OPHN1: variants seen among roughly 807,000 people sequenced by gnomAD.
The protein encoded by OPHN1 is oligophrenin-1.
In OPHN1, 11 loss-of-function variants were observed where a neutral mutation model predicts 60.7. The ratio of observed to expected loss-of-function variants is 0.18; its 90% confidence interval spans 0.11 to 0.30. The LOEUF is 0.30. Among genes scored for constraint, OPHN1 ranks in the 10% least tolerant of loss-of-function variants. The pLI is 1.00. For missense variants in OPHN1, 449 were observed against 611.0 expected (o/e 0.73, Z 2.80); for synonymous variants, 226 against 222.6 (o/e 1.02, Z -0.14).
intron 5 of OPHN1, among the ~76,000 whole-genome samples, chrX:68,273,738 G>T (rs2147593019): frequency 8.9e-6 from 1 of 111,984 alleles, no homozygotes; most frequent in African/African-American, 3.2e-5. Flanking sequence ...GGAACGTAAA[G>T]CTAAAAAGAC....
At chrX:68,182,300 C>T (rs1437310050) in intron 15 of OPHN1, among the ~76,000 whole-genome samples, 1 of 100,448 alleles carries the variant, frequency 1.0e-5, no homozygotes, top group Non-Finnish European at 2.0e-5. Flanking sequence ...CAGGAACATG[C>T]ATGGTCCTTG....
rs1434581504 is a variant in OPHN1 at position 68,225,756 on chromosome X, C to A, written c.486+8731G>T. ...CATCAAAGACCAAAGGTAGATAAAA[C>A]CACAAAGATGGGGAGAAACCAGAGC... On this transcript the variant is annotated intron_variant, in intron 6 of 24. Transcript: ENST00000355520. Among the ~76,000 whole-genome samples the A allele has an allele frequency of 4.5e-5, 5 of 111,878 alleles. No homozygotes were observed. The Admixed American group carries it at 4.8e-4, about 11-fold the overall frequency.
chrX:68,381,572 T>C lies in OPHN1; in HGVS notation c.154+51295A>G, dbSNP rs956543272. 3.6e-5 allele frequency among the ~76,000 whole-genome samples: 4 copies of C among 111,470 alleles called. No individual in the cohort carries two copies. The East Asian group carries it at 1.1e-3, about 32-fold the overall frequency. On this transcript the variant is annotated intron_variant, in intron 2 of 24. Transcript: ENST00000355520. ...ATACTTCCTGGCATTCCCACTCCTATCCATTTGATTTTATTTCCACCTAGG... is the reference window on the plus strand; with the variant it reads ...ATACTTCCTGGCATTCCCACTCCTACCCATTTGATTTTATTTCCACCTAGG...
chrX:68,313,698 G>A lies in OPHN1; in HGVS notation c.155-14602C>T, dbSNP rs900627849. The stretch of plus-strand genomic sequence containing the variant: ...AAGGATGATTACCAGAAGCTGACAA[G>A]GGTAGTGGGGAGTGAGGGAAGAGAG... On this transcript the variant is annotated intron_variant, in intron 2 of 24. Transcript: ENST00000355520. Among the ~76,000 whole-genome samples the A allele has an allele frequency of 1.3e-4, 14 of 111,899 alleles. No homozygotes were observed. The Admixed American group carries it at 1.3e-3, about 11-fold the overall frequency.
chrX:68,067,460 C>G (rs779936650), intron 20 of OPHN1, among the ~76,000 whole-genome samples: 1 of 109,866 alleles, frequency 9.1e-6, no homozygotes, highest in African/African-American at 3.3e-5. Flanking sequence ...GCCTTTGAGT[C>G]ACAGAAGACA....
chrX:68,241,869 C>T (rs2077782235), intron 5 of OPHN1, among the ~76,000 whole-genome samples: 4 of 110,647 alleles, frequency 3.6e-5, no homozygotes, highest in East Asian at 2.8e-4. Context: ...TGCAGTGAGC[C>T]GAGATCGCGT....
At chrX:68,117,929 G>A (rs1182935598) in intron 16 of OPHN1, among the ~76,000 whole-genome samples, 1 of 111,995 alleles carries the variant, frequency 8.9e-6, no homozygotes, top group Non-Finnish European at 1.9e-5. Flanking sequence ...ATGTGGGGAA[G>A]GCCTTACAAA....
chrX:68,367,081 C>T (rs777517975), intron 2 of OPHN1, among the ~76,000 whole-genome samples: 2 of 110,616 alleles, frequency 1.8e-5, no homozygotes, highest in Non-Finnish European at 3.8e-5. Context: ...ATGCAGAGGC[C>T]GGGGATGGTG....
chrX:68,054,568 A>AAAAAC (rs773565101), intron 21 of OPHN1, among the ~76,000 whole-genome samples: 2 of 111,852 alleles, frequency 1.8e-5, no homozygotes, highest in East Asian at 2.8e-4. Context: ...AAAAAAACAA[A>AAAAAC]AAAACAAAAC....
intron 20 of OPHN1, among the ~76,000 whole-genome samples, chrX:68,070,343 AGGGT>A (rs1486964193): frequency 8.9e-6 from 1 of 111,847 alleles, no homozygotes; most frequent in Admixed American, 9.4e-5. Context: ...AGGCAAATCC[AGGGT>A]GCAGTAAAGA....
chrX:68,225,156 C>G (rs981259855), intron 6 of OPHN1, among the ~76,000 whole-genome samples: 1 of 112,015 alleles, frequency 8.9e-6, no homozygotes, highest in Non-Finnish European at 1.9e-5. Flanking sequence ...AACTGCAAGG[C>G]AGCAGCGAGG....
chrX:68,098,799 T>C (rs745974225), intron 18 of OPHN1, among the ~76,000 whole-genome samples: 2 of 111,881 alleles, frequency 1.8e-5, no homozygotes, highest in South Asian at 3.8e-4. Context: ...TATCTCCTTT[T>C]GTGAACTTTG....
chrX:68,286,497 G>A (rs2078041887), intron 3 of OPHN1, among the ~76,000 whole-genome samples: 1 of 110,701 alleles, frequency 9.0e-6, no homozygotes, highest in East Asian at 2.9e-4. Context: ...CTCCTTGTTT[G>A]TATCTTCTAG....
rs773478130 is a variant in OPHN1 at position 68,213,817 on chromosome X, A to T, written c.597+45T>A. The T allele has an allele frequency of 5.3e-6, 4 of 757,067 alleles. No homozygotes were observed. The East Asian group carries it at 1.3e-4, about 25-fold the overall frequency. The allele number at this position is 757,067 out of a possible 1,213,427, so 62.4% of individuals were successfully genotyped here. A position where few individuals can be genotyped will look rare whatever the true frequency, so the allele number is the denominator to read the frequency against. On this transcript the variant is annotated intron_variant, in intron 7 of 24. Coordinates refer to ENST00000355520, the MANE Select transcript of OPHN1 (RefSeq NM_002547.3). Reference sequence around the variant, plus strand: ...ATCAAAGTTTGTACATTTACCAGGCATTTGATAAATATTTTTAGACCATTC... The same window carrying T: ...ATCAAAGTTTGTACATTTACCAGGCTTTTGATAAATATTTTTAGACCATTC...
chrX:68,223,343 C>T (rs1200153145), intron 6 of OPHN1, among the ~76,000 whole-genome samples: 1 of 112,249 alleles, frequency 8.9e-6, no homozygotes, highest in African/African-American at 3.2e-5. Context: ...TATATGTGTG[C>T]ACACACACAC....
In OPHN1 at chrX:68,421,657, G is replaced by T. The variant is rs755849836; in HGVS notation, c.154+11210C>A. The stretch of plus-strand genomic sequence containing the variant: ...AGAAAAGCTTTTCCATGACAGCCTG[G>T]CTCTGGAAAGAGTTGGAAGTTGAAG... On this transcript the variant is annotated intron_variant, in intron 2 of 24. Transcript: ENST00000355520. 4.5e-5 allele frequency among the ~76,000 whole-genome samples: 5 copies of T among 111,463 alleles called. No individual in the cohort carries two copies. In the South Asian group the frequency reaches 1.1e-3, roughly 26 times the overall value.
intron 2 of OPHN1, among the ~76,000 whole-genome samples, chrX:68,303,231 T>A (rs1476450154): frequency 8.9e-6 from 1 of 112,324 alleles, no homozygotes; most frequent in African/African-American, 3.2e-5. Flanking sequence ...ACAATTTATC[T>A]GGAATCACAA....
chrX:68,372,039 C>A (rs1386154186), intron 2 of OPHN1, among the ~76,000 whole-genome samples: 2 of 112,485 alleles, frequency 1.8e-5, no homozygotes, highest in Non-Finnish European at 3.8e-5. Flanking sequence ...GCCACCATGC[C>A]CACCCATGTA....
intron 2 of OPHN1, among the ~76,000 whole-genome samples, chrX:68,389,899 C>T (rs944069051): frequency 1.8e-5 from 2 of 111,407 alleles, no homozygotes; most frequent in Non-Finnish European, 3.8e-5. Context: ...GTTATAAGGA[C>T]ATACTTGAGA....
Sources: gnomAD v4.1 joint callset for allele counts (sites outside exome capture counted in the v4.1 genomes callset) on GRCh38, gnomAD v4.1.1 for gene constraint, MANE v1.5 for transcripts, NCBI Gene and HGNC (gene_info 2026-07-23, HGNC 2026-07-21) for gene names.